Variants in PCDHA1 observed in about 807,000 individuals in gnomAD.
The protein encoded by PCDHA1 is protocadherin alpha 1.
PCDHA1 carries 42 observed loss-of-function variants against 61.3 expected under a neutral mutation model. The observed-to-expected ratio is 0.69, with a 90% CI of 0.54 to 0.89. The LOEUF is 0.89. PCDHA1 is among the 40% of genes least tolerant of loss of function. The pLI, the probability that PCDHA1 is intolerant of heterozygous loss-of-function variation, is 0.00. For missense variants in PCDHA1, 1,256 were observed against 1,235.3 expected, an observed-to-expected ratio of 1.02 and a Z score of -0.25; for synonymous variants, 610 against 553.8, an observed-to-expected ratio of 1.10 and a Z score of -1.43.
At chr5:140,886,827 GAAAAAAA>G (rs782016620) in intron 1 of PCDHA1, among the ~76,000 whole-genome samples, 7 of 60,890 alleles carry the variant, frequency 1.1e-4, no homozygotes, top group African/African-American at 4.2e-4. Context: ...ACTTCGTCTT[GAAAAAAA>G]AAAAAAAAAA....
intron 1 of PCDHA1, among the ~76,000 whole-genome samples, chr5:140,799,492 CT>C (rs1554120951): frequency 6.6e-6 from 1 of 152,002 alleles, no homozygotes; most frequent in Non-Finnish European, 1.5e-5. Context: ...TAGGTCCATG[CT>C]TTTCAGAAAT....
intron 1 of PCDHA1, chr5:140,800,916 T>G: frequency 1.6e-6 from 1 of 612,092 alleles, no homozygotes; most frequent in Non-Finnish European, 2.4e-6. Context: ...GATATTACAA[T>G]TGAAACTAGA....
At chr5:140,934,363 T>C (rs1354531260) in intron 1 of PCDHA1, among the ~76,000 whole-genome samples, 3 of 152,170 alleles carry the variant, frequency 2.0e-5, no homozygotes, top group African/African-American at 7.2e-5. Context: ...GCCACTGCTT[T>C]GACTCCTTCT....
intron 1 of PCDHA1, among the ~76,000 whole-genome samples, chr5:140,899,543 G>C (rs1231734616): frequency 1.3e-5 from 2 of 152,144 alleles, no homozygotes; most frequent in Non-Finnish European, 2.9e-5. Flanking sequence ...CTTGATCATG[G>C]TGGATAAGCT....
intron 1 of PCDHA1, among the ~76,000 whole-genome samples, chr5:140,892,933 T>C (rs1323780846): frequency 6.6e-6 from 1 of 152,210 alleles, no homozygotes; most frequent in Non-Finnish European, 1.5e-5. Context: ...CAGCCTCTGA[T>C]AAGCACAATA....
intron 1 of PCDHA1, among the ~76,000 whole-genome samples, chr5:140,888,049 T>C (rs554327528): frequency 1.3e-5 from 2 of 152,354 alleles, no homozygotes; most frequent in South Asian, 2.1e-4. Context: ...GTATAATAGA[T>C]GTTTTAACTT....
At chr5:140,896,572 T>C (rs1208639295) in intron 1 of PCDHA1, among the ~76,000 whole-genome samples, 5 of 152,002 alleles carry the variant, frequency 3.3e-5, no homozygotes, top group Admixed American at 3.3e-4. Context: ...AGATGGGGTT[T>C]TGACGTGTTG....
At chr5:140,898,597 G>C (rs1452719602) in intron 1 of PCDHA1, among the ~76,000 whole-genome samples, 12 of 152,188 alleles carry the variant, frequency 7.9e-5, no homozygotes, top group Admixed American at 1.3e-4. Context: ...CTGTAGCCTT[G>C]TAGTATAGTT....
intron 1 of PCDHA1, among the ~76,000 whole-genome samples, chr5:140,916,601 G>A (rs2077638535): frequency 6.6e-6 from 1 of 152,188 alleles, no homozygotes. Flanking sequence ...GGCCTGGAAT[G>A]CGGGCCTCAT....
At chr5:140,812,312 C>T (rs1765081037) in intron 1 of PCDHA1, 1 of 151,832 alleles carries the variant, frequency 6.6e-6, no homozygotes, top group Admixed American at 6.6e-5. Flanking sequence ...TTTTAAAAGC[C>T]TCTTATAATT....
In PCDHA1 at chr5:140,857,157, T is replaced by C. The variant is rs1371246447; in HGVS notation, c.2394+68473T>C. The C allele has an allele frequency of 5.6e-6, 9 of 1,598,272 alleles. 1 individual carries two copies. The Middle Eastern group carries it at 5.0e-4, about 88-fold the overall frequency. On this transcript the variant is annotated intron_variant, in intron 1 of 3. Transcript: ENST00000504120. ...GCTCAAGTGGGCACCGTCATTGCCC[T>C]AATCAGCGTTTCTGACCATGATTCA... is the stretch of plus-strand genomic sequence containing the variant.
chr5:140,851,194 T>G (rs1484208641), intron 1 of PCDHA1: 1 of 1,213,702 alleles, frequency 8.2e-7, no homozygotes, highest in Non-Finnish European at 1.1e-6. Flanking sequence ...AATTTAGTTG[T>G]TAGTCATTCA....
chr5:140,917,329 G>T lies in PCDHA1; in HGVS notation c.2395-61620G>T, dbSNP rs543216216. Among the ~76,000 whole-genome samples the T allele has an allele frequency of 4.9e-5, 7 of 143,930 alleles. 1 individual carries two copies. The highest frequency in any genetic ancestry group is 1.6e-4 in the African/African-American group (6 of 37,952). The allele number at this position is 143,930 out of a possible 152,430, so 94.4% of individuals were successfully genotyped here. A position where few individuals can be genotyped will look rare whatever the true frequency, so the allele number is the denominator to read the frequency against. ...ACAATTTGGTGTTCATGTGGCGGGG[G>T]AGGGGGGGGATGGTGTAGGCTTCTG... On this transcript the variant is annotated intron_variant, in intron 1 of 3. Coordinates refer to ENST00000504120, the MANE Select transcript of PCDHA1 (RefSeq NM_018900.4).
rs898079440 is a variant in PCDHA1, at chr5:140,897,263, A to T, written c.2395-81686A>T. Among the ~76,000 whole-genome samples, 4 of 151,888 alleles carry T rather than the reference A, an allele frequency of 2.6e-5. No individual in the cohort carries two copies. The South Asian group carries it at 6.2e-4, about 24-fold the overall frequency. On this transcript the variant is annotated intron_variant, in intron 1 of 3. Transcript: ENST00000504120. Reference sequence around the variant, plus strand: ...TTAGTTACATATGTATACATGTGCCATGCTGGTGTGCTGCACCCATTAACT... The same window carrying T: ...TTAGTTACATATGTATACATGTGCCTTGCTGGTGTGCTGCACCCATTAACT...
At chr5:140,922,385 C>A (rs1267053151) in intron 1 of PCDHA1, among the ~76,000 whole-genome samples, 5 of 152,156 alleles carry the variant, frequency 3.3e-5, no homozygotes, top group Non-Finnish European at 7.4e-5. Context: ...AAACCAAAGA[C>A]TCCTTGTTTT....
At chr5:140,968,749 G>A in intron 1 of PCDHA1, 1 of 1,614,150 alleles carries the variant, frequency 6.2e-7, no homozygotes, top group Non-Finnish European at 8.5e-7. Context: ...TGACCGTGGT[G>A]GTCCGAGATA....
intron 1 of PCDHA1, chr5:140,795,977 T>C (rs781944142): frequency 6.2e-7 from 1 of 1,614,018 alleles, no homozygotes; most frequent in Non-Finnish European, 8.5e-7. Context: ...AAAATTTCAT[T>C]AAAACTTGTG....
intron 1 of PCDHA1, chr5:140,850,726 CG>C: frequency 6.3e-7 from 1 of 1,597,804 alleles, no homozygotes; most frequent in Non-Finnish European, 8.6e-7. Context: ...TGTTCTAGCG[CG>C]GTGGGGAGTT....
At chr5:140,856,906 C>A (rs2044264701) in intron 1 of PCDHA1, 5 of 1,596,020 alleles carry the variant, frequency 3.1e-6, no homozygotes, top group Non-Finnish European at 2.6e-6. Flanking sequence ...TGGTCCCACC[C>A]ACGATAAGAA....
Sources: gnomAD v4.1 joint callset for allele counts (sites outside exome capture counted in the v4.1 genomes callset) on GRCh38, gnomAD v4.1.1 for gene constraint, MANE v1.5 for transcripts, NCBI Gene and HGNC (gene_info 2026-07-23, HGNC 2026-07-21) for gene names.